H1-0: variants seen among roughly 807,000 people sequenced by gnomAD.
H1-0 encodes the protein H1.0 linker histone, also known as histone H1.0.
H1-0 carries 5 observed loss-of-function variants against 8.8 expected under a neutral mutation model. The observed-to-expected ratio is 0.57, with a 90% CI of 0.30 to 1.19. The LOEUF (loss-of-function observed/expected upper bound fraction) is 1.19. Among genes scored for constraint, H1-0 ranks in the 50% most tolerant of loss-of-function variants. The pLI is 0.08. For missense variants in H1-0, 231 were observed against 242.0 expected, an observed-to-expected ratio of 0.95 and a Z score of 0.30; for synonymous variants, 143 against 101.4, an observed-to-expected ratio of 1.41 and a Z score of -2.46.
Position 37,805,772 on chromosome 22 carries a change from C to A in H1-0, c.228C>A (p.Val76=). 1 of 1,613,974 alleles carries A rather than the reference C, an allele frequency of 6.2e-7. No homozygotes were observed. The highest frequency in any genetic ancestry group is 8.5e-7 in the Non-Finnish European group (1 of 1,179,972). ...SQIKLSIKRL[V]TTGVLKQTKG... is the part of the protein sequence containing the mutation. ...TCAAGTTGTCCATCAAGCGCCTGGT[C>A]ACCACCGGTGTCCTCAAGCAGACCA... Residue 76 remains valine (V), a synonymous_variant, in exon 1 of 1, where the codon GTC becomes GTA. Transcript: ENST00000340857.
Position 37,805,880 on chromosome 22 carries a change from G to A in H1-0, c.336G>A (p.Lys112=). The A allele has an allele frequency of 1.2e-6, 2 of 1,613,980 alleles. No individual in the cohort carries two copies. Among genetic ancestry groups the A allele is most frequent in the Non-Finnish European group, 1.7e-6 (2 of 1,180,014 alleles). Reference sequence around the variant, plus strand: ...CAGTGGCCTTCAAGAAGACCAAGAAGGAAATCAAGAAGGTAGCCACGCCAA... The same window carrying A: ...CAGTGGCCTTCAAGAAGACCAAGAAAGAAATCAAGAAGGTAGCCACGCCAA... The part of the protein sequence containing the change: ...KKSVAFKKTK[K]EIKKVATPKK... Residue 112 remains lysine, a synonymous_variant, in exon 1 of 1, where the codon AAG becomes AAA. Transcript: ENST00000340857.
chr22:37,805,966 C>A lies in H1-0; in HGVS notation c.422C>A (p.Thr141Asn), dbSNP rs955524388. 6.2e-7 allele frequency: 1 copy of A among 1,614,044 alleles called. No homozygotes were observed. The highest frequency in any genetic ancestry group is 1.3e-5 in the African/African-American group (1 of 74,984). Residue 141 changes from threonine (T) to asparagine (N), a missense_variant, in exon 1 of 1, where the codon ACC becomes AAC. Transcript: ENST00000340857. Reference sequence around the variant, plus strand: ...GCCCCAACCAAGAAACCCAAAGCCACCCCGGTCAAGAAGGCCAAGAAGAAG... The same window carrying A: ...GCCCCAACCAAGAAACCCAAAGCCAACCCGGTCAAGAAGGCCAAGAAGAAG... ...SKAPTKKPKA[T>N]PVKKAKKKLA...
In H1-0 at chr22:37,806,247, A is replaced by G. The variant is rs766133967; in HGVS notation, c.*118A>G. ...TTTTGCCCCCTTCTGTTCTGACTTT[A>G]TAAGAGACAGGATTTGGATTCTTCA... On this transcript the variant is annotated 3_prime_UTR_variant, in exon 1 of 1. Transcript: ENST00000340857. 4 of 744,852 alleles carry G rather than the reference A, an allele frequency of 5.4e-6. No homozygotes were observed. The highest frequency in any genetic ancestry group is 2.9e-5 in the Admixed American group (1 of 34,032). 46.1% of individuals were successfully genotyped at this position (744,852 alleles called of 1,614,324 possible). A position where few individuals can be genotyped will look rare whatever the true frequency, so the allele number is the denominator to read the frequency against.
In H1-0 at chr22:37,805,330, G is replaced by T; in HGVS notation, c.-215G>T. ...CCGAGACCAAGCGACAGACCGGCGG[G>T]GCTGGGCCTCGCAAAGCCGGCTCGG... On this transcript the variant is annotated 5_prime_UTR_variant, in exon 1 of 1. Transcript: ENST00000340857. 1.8e-6 allele frequency: 1 copy of T among 544,492 alleles called. No individual in the cohort carries two copies. The highest frequency in any genetic ancestry group is 3.5e-5 in the Admixed American group (1 of 28,916). 33.7% of individuals were successfully genotyped at this position (544,492 alleles called of 1,614,324 possible). A position where few individuals can be genotyped will look rare whatever the true frequency, so the allele number is the denominator to read the frequency against.
At position 37,805,249 on chromosome 22, in the gene H1-0, GGAGGCAGAGGAGGCGGAGGCAGAGGCA is replaced by G. The variant is rs1166284088; in HGVS notation, c.-285_-259del. On this transcript the variant is annotated 5_prime_UTR_variant, in exon 1 of 1. Transcript: ENST00000340857. ...GCGCCAGACGCGGAGCTGGGAAAAG[GGAGGCAGAGGAGGCGGAGGCAGAGGCA>G]GAGGCAGAGGCAGAGCCCGAGCCCG... The G allele has an allele frequency of 2.4e-6, 1 of 410,314 alleles. No individual in the cohort carries two copies. Among genetic ancestry groups the G allele is most frequent in the Non-Finnish European group, 4.4e-6 (1 of 227,480 alleles). The allele number at this position is 410,314 out of a possible 1,614,324, so 25.4% of individuals were successfully genotyped here. A position where few individuals can be genotyped will look rare whatever the true frequency, so the allele number is the denominator to read the frequency against.
In H1-0 at chr22:37,805,281, C is replaced by T. The variant is rs1920974636; in HGVS notation, c.-264C>T. The T allele has an allele frequency of 2.9e-6, 1 of 349,192 alleles. No individual in the cohort carries two copies. Among genetic ancestry groups the T allele is most frequent in the Non-Finnish European group, 4.7e-6 (1 of 210,868 alleles). 21.6% of individuals were successfully genotyped at this position (349,192 alleles called of 1,614,324 possible). A position where few individuals can be genotyped will look rare whatever the true frequency, so the allele number is the denominator to read the frequency against. ...GAGGAGGCGGAGGCAGAGGCAGAGG[C>T]AGAGGCAGAGCCCGAGCCCGGTGCC... is the stretch of plus-strand genomic sequence containing the variant. On this transcript the variant is annotated 5_prime_UTR_variant, in exon 1 of 1. Coordinates refer to ENST00000340857, the MANE Select transcript of H1-0 (RefSeq NM_005318.4).
rs373751761 is a variant in H1-0, at chr22:37,805,538, G to C, written c.-7G>C. 6.2e-7 allele frequency: 1 copy of C among 1,607,500 alleles called. No homozygotes were observed. The highest frequency in any genetic ancestry group is 1.1e-5 in the South Asian group (1 of 90,642). ...GCGCCTTCAACAGCCGGACCAGACA[G>C]GCCACCATGACCGAGAATTCCACGT... On this transcript the variant is annotated 5_prime_UTR_variant, in exon 1 of 1. Transcript: ENST00000340857.
chr22:37,806,265 A>G lies in H1-0; in HGVS notation c.*136A>G. ...TGACTTTATAAGAGACAGGATTTGG[A>G]TTCTTCAGAAATTACAGAATAATTC... On this transcript the variant is annotated 3_prime_UTR_variant, in exon 1 of 1. Transcript: ENST00000340857. 5.8e-6 allele frequency: 4 copies of G among 684,198 alleles called. No individual in the cohort carries two copies. The highest frequency in any genetic ancestry group is 9.9e-6 in the Non-Finnish European group (4 of 402,156). 42.4% of individuals were successfully genotyped at this position (684,198 alleles called of 1,614,324 possible).
rs1301554626 is a variant in H1-0 at position 37,805,232 on chromosome 22, C to T, written c.-313C>T. The T allele has an allele frequency of 1.1e-5, 4 of 365,928 alleles. No individual in the cohort carries two copies. Among genetic ancestry groups the T allele is most frequent in the African/African-American group, 6.4e-5 (3 of 46,548 alleles). 22.7% of individuals were successfully genotyped at this position (365,928 alleles called of 1,614,324 possible). A position where few individuals can be genotyped will look rare whatever the true frequency, so the allele number is the denominator to read the frequency against. ...CCGGATGCGCCGCCCAAGCGCCAGA[C>T]GCGGAGCTGGGAAAAGGGAGGCAGA... On this transcript the variant is annotated 5_prime_UTR_variant, in exon 1 of 1. In the 5' UTR this introduces an upstream ATG that the reference lacks. Coordinates refer to ENST00000340857, the MANE Select transcript of H1-0 (RefSeq NM_005318.4).
chr22:37,806,105 C>T lies in H1-0; in HGVS notation c.561C>T (p.Ala187=). The stretch of plus-strand genomic sequence containing the variant: ...TGAAACCCAAAGCAAAGTCCAGTGC[C>T]AAGAGGGCCGGCAAGAAGAAGTGAC... ...KPVKPKAKSS[A]KRAGKKK The change falls in exon 1 of 1, where the codon GCC becomes GCT. Residue 187 remains alanine, a synonymous_variant. Coordinates refer to ENST00000340857, the MANE Select transcript of H1-0 (RefSeq NM_005318.4). 1 of 1,610,156 alleles carries T rather than the reference C, an allele frequency of 6.2e-7. No individual in the cohort carries two copies. The highest frequency in any genetic ancestry group is 1.1e-5 in the South Asian group (1 of 90,522).
Position 37,805,260 on chromosome 22 carries a change from A to C in H1-0, c.-285A>C, listed in dbSNP as rs909995980. ...GGAGCTGGGAAAAGGGAGGCAGAGG[A>C]GGCGGAGGCAGAGGCAGAGGCAGAG... On this transcript the variant is annotated 5_prime_UTR_variant, in exon 1 of 1. Coordinates refer to ENST00000340857, the MANE Select transcript of H1-0 (RefSeq NM_005318.4). 2 of 376,192 alleles carry C rather than the reference A, an allele frequency of 5.3e-6. No homozygotes were observed. Among genetic ancestry groups the C allele is most frequent in the Admixed American group, 5.4e-5 (1 of 18,448 alleles). 23.3% of individuals were successfully genotyped at this position (376,192 alleles called of 1,614,324 possible).
At position 37,805,610 on chromosome 22, in the gene H1-0, C is replaced by T. The variant is rs775443132; in HGVS notation, c.66C>T (p.Ser22=). The T allele has an allele frequency of 1.2e-6, 2 of 1,614,186 alleles. No homozygotes were observed. Among genetic ancestry groups the T allele is most frequent in the Non-Finnish European group, 8.5e-7 (1 of 1,180,016 alleles). The change falls in exon 1 of 1, where the codon TCC becomes TCT. Residue 22 remains serine, a synonymous_variant. Coordinates refer to ENST00000340857, the MANE Select transcript of H1-0 (RefSeq NM_005318.4). ...KPKRAKASKK[S]TDHPKYSDMI... ...AGCGGGCCAAGGCCTCCAAGAAGTC[C>T]ACAGACCACCCCAAGTATTCAGACA... is the stretch of plus-strand genomic sequence containing the variant.
Position 37,805,899 on chromosome 22 carries a change from A to G in H1-0, c.355A>G (p.Thr119Ala). ...KTKKEIKKVATPKKASKPKKA... is the reference protein window; with the variant it reads ...KTKKEIKKVAAPKKASKPKKA... Reference sequence around the variant, plus strand: ...CAAGAAGGAAATCAAGAAGGTAGCCACGCCAAAGAAGGCATCCAAGCCCAA... The same window carrying G: ...CAAGAAGGAAATCAAGAAGGTAGCCGCGCCAAAGAAGGCATCCAAGCCCAA... The change falls in exon 1 of 1, where the codon ACG (threonine) becomes GCG (alanine). Residue 119 changes from threonine to alanine, a missense_variant. Transcript: ENST00000340857. The G allele has an allele frequency of 1.2e-6, 2 of 1,614,120 alleles. No homozygotes were observed. Among genetic ancestry groups the G allele is most frequent in the Non-Finnish European group, 1.7e-6 (2 of 1,180,024 alleles).
Position 37,806,316 on chromosome 22 carries a change from G to C in H1-0, c.*187G>C. 1 of 609,872 alleles carries C rather than the reference G, an allele frequency of 1.6e-6. No homozygotes were observed. Among genetic ancestry groups the C allele is most frequent in the Non-Finnish European group, 2.9e-6 (1 of 340,010 alleles). 37.8% of individuals were successfully genotyped at this position (609,872 alleles called of 1,614,324 possible). A position where few individuals can be genotyped will look rare whatever the true frequency, so the allele number is the denominator to read the frequency against. ...ATTTTTCCTTAACCAGTTGTGCAAGGACAGCAACAACCAATCTAATGATGA... is the reference window on the plus strand; with the variant it reads ...ATTTTTCCTTAACCAGTTGTGCAAGCACAGCAACAACCAATCTAATGATGA... On this transcript the variant is annotated 3_prime_UTR_variant, in exon 1 of 1. Transcript: ENST00000340857.
rs1920994223 is a variant in H1-0, at chr22:37,806,286, AATTC to A, written c.*161_*164del. 7.8e-6 allele frequency: 5 copies of A among 641,922 alleles called. No individual in the cohort carries two copies. The highest frequency in any genetic ancestry group is 1.4e-5 in the Non-Finnish European group (5 of 365,774). 39.8% of individuals were successfully genotyped at this position (641,922 alleles called of 1,614,324 possible). On this transcript the variant is annotated 3_prime_UTR_variant, in exon 1 of 1. Coordinates refer to ENST00000340857, the MANE Select transcript of H1-0 (RefSeq NM_005318.4). ...TTGGATTCTTCAGAAATTACAGAATAATTCATTTTTCCTTAACCAGTTGTGCAAG... is the reference window on the plus strand; with the variant it reads ...TTGGATTCTTCAGAAATTACAGAATAATTTTTCCTTAACCAGTTGTGCAAG...
At position 37,806,440 on chromosome 22, in the gene H1-0, A is replaced by AG. The variant is rs1210000742; in HGVS notation, c.*312dup. 2.7e-6 allele frequency: 1 copy of AG among 368,730 alleles called. No homozygotes were observed. The highest frequency in any genetic ancestry group is 5.2e-6 in the Non-Finnish European group (1 of 193,540). The allele number at this position is 368,730 out of a possible 1,614,324, so 22.8% of individuals were successfully genotyped here. ...TTGTTGGCTTGTTTGCCATGAAGGT[A>AG]GATGTGGGTGGGGAGAAGACACAAG... On this transcript the variant is annotated 3_prime_UTR_variant, in exon 1 of 1. Coordinates refer to ENST00000340857, the MANE Select transcript of H1-0 (RefSeq NM_005318.4).
chr22:37,805,449 G>A lies in H1-0; in HGVS notation c.-96G>A. Reference sequence around the variant, plus strand: ...ACTCCAGACTGGCCCGGTAGTCAGGGGCTCAGGAGCAGATCCCGAGGCAGG... The same window carrying A: ...ACTCCAGACTGGCCCGGTAGTCAGGAGCTCAGGAGCAGATCCCGAGGCAGG... On this transcript the variant is annotated 5_prime_UTR_variant, in exon 1 of 1. Transcript: ENST00000340857. 2 of 868,508 alleles carry A rather than the reference G, an allele frequency of 2.3e-6. No homozygotes were observed. Among genetic ancestry groups the A allele is most frequent in the South Asian group, 1.7e-5 (1 of 59,706 alleles). The allele number at this position is 868,508 out of a possible 1,614,324, so 53.8% of individuals were successfully genotyped here. A position where few individuals can be genotyped will look rare whatever the true frequency, so the allele number is the denominator to read the frequency against.
rs1920993265 is a variant in H1-0, at chr22:37,806,246, T to C, written c.*117T>C. The C allele has an allele frequency of 1.3e-6, 1 of 748,216 alleles. No individual in the cohort carries two copies. The allele number at this position is 748,216 out of a possible 1,614,324, so 46.3% of individuals were successfully genotyped here. On this transcript the variant is annotated 3_prime_UTR_variant, in exon 1 of 1. Transcript: ENST00000340857. ...CTTTTGCCCCCTTCTGTTCTGACTT[T>C]ATAAGAGACAGGATTTGGATTCTTC...
rs1369920409 is a variant in H1-0 at position 37,806,879 on chromosome 22, CT to C, written c.*752del. On this transcript the variant is annotated 3_prime_UTR_variant, in exon 1 of 1. Coordinates refer to ENST00000340857, the MANE Select transcript of H1-0 (RefSeq NM_005318.4). Reference sequence around the variant, plus strand: ...TTCTCTTGTTAAACCGGAGTGAAAACTTCAGGGGAAGGGTGGGGAGTCAGCC... The same window carrying C: ...TTCTCTTGTTAAACCGGAGTGAAAACTCAGGGGAAGGGTGGGGAGTCAGCC... 6.0e-6 allele frequency: 1 copy of C among 167,080 alleles called. No homozygotes were observed. The highest frequency in any genetic ancestry group is 1.5e-5 in the Non-Finnish European group (1 of 68,134). The allele number at this position is 167,080 out of a possible 1,614,324, so 10.3% of individuals were successfully genotyped here.
Sources: allele counts gnomAD v4.1 joint callset, GRCh38; gene constraint gnomAD v4.1.1; transcripts MANE v1.5; gene names NCBI Gene and HGNC (gene_info 2026-07-23, HGNC 2026-07-21).